CDK17: variants seen among roughly 807,000 people sequenced by gnomAD.
CDK17 encodes the protein cyclin-dependent kinase 17.
In CDK17, 24 loss-of-function variants were observed where a neutral mutation model predicts 77.6. The observed-to-expected ratio is 0.31, with a 90% CI of 0.22 to 0.44. The LOEUF is 0.44. CDK17 is among the 20% of genes least tolerant of loss of function. CDK17 has a pLI of 1.00. For missense variants in CDK17, 429 were observed against 622.5 expected (o/e 0.69, Z 3.31); for synonymous variants, 203 against 210.4 (o/e 0.96, Z 0.30).
chr12:96,283,695 A>C (rs762090272), intron 13 of CDK17, 50 bp from the exon 14 acceptor site: 4 of 1,200,602 alleles, frequency 3.3e-6, no homozygotes, highest in Non-Finnish European at 1.2e-6. Flanking sequence ...TAGCTGATAA[A>C]ACTTTTCAGA....
intron 3 of CDK17, among the ~76,000 whole-genome samples, chr12:96,319,151 T>C (rs1190366434): frequency 6.6e-6 from 1 of 150,400 alleles, no homozygotes; most frequent in South Asian, 2.1e-4. Flanking sequence ...CAAACTACCA[T>C]CAGAGAATAC....
rs55808826 is a variant in CDK17, at chr12:96,366,454, C to T, written c.-29-31589G>A. On this transcript the variant is annotated intron_variant, in intron 1 of 16. Transcript: ENST00000261211. Reference sequence around the variant, plus strand: ...CCGCTATCATATATCTCATACATTACTATATCTAGTGTATCACAGTATCTA... The same window carrying T: ...CCGCTATCATATATCTCATACATTATTATATCTAGTGTATCACAGTATCTA... Among the ~76,000 whole-genome samples, 183 of 152,158 alleles carry T rather than the reference C, an allele frequency of 1.2e-3. 1 individual carries two copies. The highest frequency in any genetic ancestry group is 2.3e-3 in the Non-Finnish European group (153 of 67,966).
At chr12:96,304,172 C>T (rs1246224249) in intron 5 of CDK17, among the ~76,000 whole-genome samples, 1 of 152,070 alleles carries the variant, frequency 6.6e-6, no homozygotes, top group Non-Finnish European at 1.5e-5. Context: ...AATGAAACCA[C>T]AGATAAAGGG....
At chr12:96,362,818 C>T (rs1386084479) in intron 1 of CDK17, among the ~76,000 whole-genome samples, 2 of 152,150 alleles carry the variant, frequency 1.3e-5, no homozygotes, top group African/African-American at 4.8e-5. Context: ...GGACACCAAA[C>T]ATCAAAGCAG....
intron 11 of CDK17, among the ~76,000 whole-genome samples, chr12:96,287,809 T>C (rs374927666): frequency 6.6e-6 from 1 of 152,276 alleles, no homozygotes; most frequent in Admixed American, 6.5e-5. Flanking sequence ...ATGTGGAATA[T>C]ATATTTAATG....
intron 2 of CDK17, among the ~76,000 whole-genome samples, chr12:96,326,468 A>G (rs937195590): frequency 6.6e-6 from 1 of 152,222 alleles, no homozygotes; most frequent in Non-Finnish European, 1.5e-5. Flanking sequence ...AAATGCAAGA[A>G]AGAGCCAGTC....
intron 1 of CDK17, among the ~76,000 whole-genome samples, chr12:96,387,418 A>G (rs1054021484): frequency 2.6e-5 from 4 of 152,222 alleles, no homozygotes. Flanking sequence ...ATTCAGAAAC[A>G]GAGTTTGAGA....
chr12:96,316,937 A>G (rs1460301812), intron 3 of CDK17, among the ~76,000 whole-genome samples: 1 of 150,726 alleles, frequency 6.6e-6, no homozygotes, highest in African/African-American at 2.4e-5. Context: ...CTCACCAGCA[A>G]CGGAACAAAG....
intron 5 of CDK17, among the ~76,000 whole-genome samples, chr12:96,307,878 G>GACAC (rs71097278): frequency 1.3e-5 from 2 of 151,154 alleles, no homozygotes; most frequent in South Asian, 2.1e-4. Flanking sequence ...CACACACACA[G>GACAC]ACACACACAC....
At chr12:96,335,069 A>G (rs942403968) in intron 1 of CDK17, 8 of 621,922 alleles carry the variant, frequency 1.3e-5, no homozygotes, top group Middle Eastern at 2.5e-4. Flanking sequence ...TCATCAGAAG[A>G]GCAGGAATTC....
At chr12:96,331,100 A>G (rs1213179496) in intron 2 of CDK17, among the ~76,000 whole-genome samples, 1 of 152,024 alleles carries the variant, frequency 6.6e-6, no homozygotes, top group Non-Finnish European at 1.5e-5. Context: ...GCGCCACCAC[A>G]TTCCATTAAT....
At chr12:96,395,262 T>C (rs926717279) in intron 1 of CDK17, among the ~76,000 whole-genome samples, 4 of 152,258 alleles carry the variant, frequency 2.6e-5, no homozygotes, top group Non-Finnish European at 5.9e-5. Flanking sequence ...TATACTGCAA[T>C]CTTTTAATGT....
At chr12:96,331,963 T>C (rs934966300) in intron 2 of CDK17, among the ~76,000 whole-genome samples, 12 of 152,210 alleles carry the variant, frequency 7.9e-5, no homozygotes, top group East Asian at 1.9e-4. Context: ...ACAGACATCA[T>C]ATACAACAGT....
At chr12:96,393,583 CTT>C (rs1017485592) in intron 1 of CDK17, among the ~76,000 whole-genome samples, 1 of 151,674 alleles carries the variant, frequency 6.6e-6, no homozygotes, top group Admixed American at 6.6e-5. Context: ...AAACACAAAA[CTT>C]AGCCAAGACT....
At chr12:96,336,928 C>T (rs1304586049) in intron 1 of CDK17, among the ~76,000 whole-genome samples, 1 of 152,132 alleles carries the variant, frequency 6.6e-6, no homozygotes, top group Admixed American at 6.6e-5. Flanking sequence ...ATCTGTTTCT[C>T]TTGTCAATTT....
chr12:96,394,011 G>T (rs1954121358), intron 1 of CDK17, among the ~76,000 whole-genome samples: 1 of 151,896 alleles, frequency 6.6e-6, no homozygotes, highest in African/African-American at 2.4e-5. Flanking sequence ...ACTTTGGGAG[G>T]CCAAGGCAGG....
At chr12:96,331,732 T>C (rs1290831202) in intron 2 of CDK17, among the ~76,000 whole-genome samples, 2 of 152,214 alleles carry the variant, frequency 1.3e-5, no homozygotes, top group Non-Finnish European at 2.9e-5. Context: ...AAACGCATCA[T>C]ACCCATAATT....
chr12:96,382,963 AAAG>A (rs144803813), intron 1 of CDK17, among the ~76,000 whole-genome samples: 2,101 of 152,286 alleles, frequency 0.014, 27 homozygotes, highest in Non-Finnish European at 0.02. Flanking sequence ...CTGAATAGAG[AAAG>A]AAGACATCAA....
chr12:96,381,876 G>A (rs561023494), intron 1 of CDK17, among the ~76,000 whole-genome samples: 11 of 152,118 alleles, frequency 7.2e-5, no homozygotes, highest in East Asian at 5.8e-4. Flanking sequence ...TTAGCAATCC[G>A]TGGGGATAAT....
Sources: allele counts gnomAD v4.1 joint callset (sites outside exome capture counted in the v4.1 genomes callset), GRCh38; gene constraint gnomAD v4.1.1; transcripts MANE v1.5; gene names NCBI Gene and HGNC (gene_info 2026-07-23, HGNC 2026-07-21).